TG: variants seen among roughly 807,000 people sequenced by gnomAD.
TG encodes the protein thyroid hormones.
TG carries 270 observed loss-of-function variants against 324.7 expected under a neutral mutation model. The ratio of observed to expected loss-of-function variants is 0.83; its 90% CI spans 0.75 to 0.92. TG has a LOEUF of 0.92. TG is among the 40% of genes least tolerant of loss of function. TG has a pLI of 0.00. For synonymous variants in TG, 1,401 were observed against 1,327.0 expected (o/e 1.06, Z -1.21); for missense variants, 3,591 against 3,456.4 (o/e 1.04, Z -0.98).
intron 41 of TG, among the ~76,000 whole-genome samples, chr8:133,073,415 G>A (rs932520593): frequency 5.3e-5 from 8 of 151,860 alleles, no homozygotes; most frequent in African/African-American, 1.9e-4. Flanking sequence ...GAGTGCAGTG[G>A]CACCATCTCA....
At chr8:133,045,371 G>GGTTTCAT (rs1182126744) in intron 41 of TG, among the ~76,000 whole-genome samples, 1 of 149,942 alleles carries the variant, frequency 6.7e-6, no homozygotes, top group African/African-American at 2.5e-5. Context: ...CAGGAACACA[G>GGTTTCAT]GTTTCATCCT....
intron 25 of TG, among the ~76,000 whole-genome samples, chr8:132,940,800 C>T (rs1824337393): frequency 6.6e-6 from 1 of 152,188 alleles, no homozygotes; most frequent in Admixed American, 6.5e-5. Context: ...CTGCATTTGT[C>T]TACAGAGCAT....
chr8:132,919,416 C>T lies in TG; in HGVS notation c.4419C>T (p.Cys1473=), dbSNP rs767656093. 11 of 1,614,072 alleles carry T rather than the reference C, an allele frequency of 6.8e-6. No homozygotes were observed. The South Asian group carries it at 1.2e-4, about 18-fold the overall frequency. The change falls in exon 21 of 48, where the codon TGC becomes TGT. Residue 1473 remains cysteine (C), a synonymous_variant. Transcript: ENST00000220616. The part of the protein sequence containing the change: ...PEGSYSQDEE[C]IPCPVGFYQE... ...GAAGCTATTCCCAAGATGAGGAATGCATTCCTTGTCCTGTTGGATTCTACC... is the reference window on the plus strand; with the variant it reads ...GAAGCTATTCCCAAGATGAGGAATGTATTCCTTGTCCTGTTGGATTCTACC...
At chr8:132,984,239 G>A (rs747379207) in intron 35 of TG, among the ~76,000 whole-genome samples, 8 of 152,244 alleles carry the variant, frequency 5.3e-5, no homozygotes, top group Non-Finnish European at 1.0e-4. Flanking sequence ...GGCCCTGGCT[G>A]GAGAGACAGA....
At chr8:132,913,909 C>T (rs909919009) in intron 20 of TG, among the ~76,000 whole-genome samples, 2 of 152,216 alleles carry the variant, frequency 1.3e-5, no homozygotes, top group African/African-American at 4.8e-5. Flanking sequence ...GGCCTGCAGT[C>T]CTCCCGGAGG....
intron 45 of TG, among the ~76,000 whole-genome samples, chr8:133,121,483 T>A (rs1013903051): frequency 6.6e-6 from 1 of 152,208 alleles, no homozygotes; most frequent in African/African-American, 2.4e-5. Flanking sequence ...TTCTATCATT[T>A]TTAGAGGAAA....
At chr8:133,027,371 C>T (rs559881371) in intron 40 of TG, among the ~76,000 whole-genome samples, 6 of 152,224 alleles carry the variant, frequency 3.9e-5, no homozygotes, top group Non-Finnish European at 8.8e-5. Flanking sequence ...TCCCTGTGGG[C>T]AGCTGAGAGC....
At chr8:133,068,842 G>A (rs1843506814) in intron 41 of TG, among the ~76,000 whole-genome samples, 1 of 152,260 alleles carries the variant, frequency 6.6e-6, no homozygotes, top group Non-Finnish European at 1.5e-5. Context: ...CCAACACAGG[G>A]ATGGTGAGGT....
At chr8:133,060,846 A>T (rs1842270271) in intron 41 of TG, among the ~76,000 whole-genome samples, 1 of 152,222 alleles carries the variant, frequency 6.6e-6, no homozygotes, top group Non-Finnish European at 1.5e-5. Flanking sequence ...CAGAAGGGGT[A>T]AGTGACTTGT....
rs757630170 is a variant in TG, at chr8:132,882,972, C to G, written c.1048C>G (p.Arg350Gly). The change falls in exon 8 of 48, where the codon CGG becomes GGG. Residue 350 changes from arginine (R) to glycine (G), a missense_variant. Physicochemically the swap from Arg to Gly is moderately radical, Grantham distance 125. Coordinates refer to ENST00000220616, the MANE Select transcript of TG (RefSeq NM_003235.5). ...CCAGGGGAAGGAAATGCATGGAACC[C>G]GGCAGCAAGGGGAGCCGCCATCTTG... ...DAQGKEMHGTRQQGEPPSCAE... is the reference protein window; with the variant it reads ...DAQGKEMHGTGQQGEPPSCAE... 3 of 1,613,846 alleles carry G rather than the reference C, an allele frequency of 1.9e-6. No individual in the cohort carries two copies. The highest frequency in any genetic ancestry group is 2.2e-5 in the East Asian group (1 of 44,880).
chr8:132,885,623 G>A (rs1020034370), intron 8 of TG, among the ~76,000 whole-genome samples: 49 of 151,484 alleles, frequency 3.2e-4, no homozygotes, highest in African/African-American at 1.1e-3. Flanking sequence ...GAATTCCAAC[G>A]AGAGAATGCT....
chr8:133,117,641 C>T (rs975999041), intron 45 of TG, among the ~76,000 whole-genome samples: 2 of 152,212 alleles, frequency 1.3e-5, no homozygotes, highest in African/African-American at 4.8e-5. Context: ...GTAGTGGTGT[C>T]CTTGTGCTCA....
rs778743706 is a variant in TG at position 132,888,118 on chromosome 8, C to A, written c.2311C>A (p.Gln771Lys). The stretch of plus-strand genomic sequence containing the variant: ...GTGCAGCACCGATGGGCAGTGGAGA[C>A]AAGTGCAATGCAATGGGCCTCCTGA... ...PQCSTDGQWR[Q>K]VQCNGPPEQV... Residue 771 changes from glutamine to lysine, a missense_variant, in exon 10 of 48, where the codon CAA (glutamine) becomes AAA (lysine). Physicochemically the swap from Gln to Lys is moderately conservative, Grantham distance 53 (BLOSUM62 1). Transcript: ENST00000220616. 1.2e-6 allele frequency: 2 copies of A among 1,614,110 alleles called. No homozygotes were observed.
chr8:133,003,286 A>G (rs967699588), intron 35 of TG: 1 of 152,696 alleles, frequency 6.5e-6, no homozygotes, highest in Non-Finnish European at 1.5e-5. Context: ...GATTATCTAC[A>G]TATCAATGGA....
chr8:133,017,590 T>C, intron 37 of TG, 188 bp from the exon 38 acceptor site: 1 of 648,752 alleles, frequency 1.5e-6, no homozygotes, highest in East Asian at 2.8e-5. Flanking sequence ...TTTGCCATTT[T>C]TTTTGTTTGT....
At position 132,887,522 on chromosome 8, in the gene TG, G is replaced by C. The variant is rs200611812; in HGVS notation, c.2150G>C (p.Arg717Pro). ...DAEGQAIPGT[R>P]SAIGKPKKCP... Reference sequence around the variant, plus strand: ...GAGGGTCAGGCCATTCCTGGAACTCGAAGTGCAATAGGGAAGCCCAAGAAA... The same window carrying C: ...GAGGGTCAGGCCATTCCTGGAACTCCAAGTGCAATAGGGAAGCCCAAGAAA... Residue 717 changes from arginine (R) to proline (P), a missense_variant, in exon 9 of 48, where the codon CGA becomes CCA. By Grantham distance (103) the Arg-to-Pro change is moderately radical. Transcript: ENST00000220616. 1.2e-6 allele frequency: 2 copies of C among 1,614,148 alleles called. No homozygotes were observed.
chr8:133,113,729 T>C (rs1425111807), intron 44 of TG, 126 bp downstream of exon 44: 4 of 1,114,150 alleles, frequency 3.6e-6, no homozygotes, highest in Non-Finnish European at 5.2e-6. Flanking sequence ...CTCTGCATCA[T>C]TCATTCAGCC....
chr8:133,098,211 A>G (rs891867802), intron 43 of TG, among the ~76,000 whole-genome samples: 4 of 152,216 alleles, frequency 2.6e-5, no homozygotes, highest in Admixed American at 1.3e-4. Context: ...TAAAACAGGG[A>G]TCCTCAAGTT....
At chr8:133,079,824 T>G (rs920116459) in intron 41 of TG, among the ~76,000 whole-genome samples, 1 of 152,126 alleles carries the variant, frequency 6.6e-6, no homozygotes, top group African/African-American at 2.4e-5. Context: ...ACTTATTGAA[T>G]GCAAGGCATG....
Sources: gnomAD v4.1 joint callset for allele counts (sites outside exome capture counted in the v4.1 genomes callset) on GRCh38, gnomAD v4.1.1 for gene constraint, MANE v1.5 for transcripts, NCBI Gene and HGNC (gene_info 2026-07-23, HGNC 2026-07-21) for gene names.